PTP4A1: variants seen among roughly 807,000 people sequenced by gnomAD.
The protein encoded by PTP4A1 is protein tyrosine phosphatase 4A1, also known as protein tyrosine phosphatase type IVA 1.
A neutral mutation model predicts 20.5 loss-of-function variants in PTP4A1; 9 were observed. That is an observed-to-expected ratio of 0.44 (90% CI 0.26 to 0.77). The LOEUF (loss-of-function observed/expected upper bound fraction) is 0.77. Among genes scored for constraint, PTP4A1 ranks in the 30% least tolerant of loss-of-function variants. PTP4A1 has a pLI of 0.19. For synonymous variants in PTP4A1, 78 were observed against 67.4 expected (o/e 1.16, Z -0.77); for missense variants, 137 against 218.8 (o/e 0.63, Z 2.36).
At chr6:63,519,957 A>T (rs185185924), upstream of PTP4A1, among the ~76,000 whole-genome samples, 9 of 152,350 alleles carry the variant, frequency 5.9e-5, no homozygotes, top group Non-Finnish European at 1.3e-4. Context: ...TCAGTAGATA[A>T]TAATTTTTAC....
At chr6:63,535,061 A>T (rs1005911843) in intron 2 of PTP4A1, among the ~76,000 whole-genome samples, 40 of 152,160 alleles carry the variant, frequency 2.6e-4, no homozygotes, top group African/African-American at 9.6e-4. Flanking sequence ...ACTCCTTCAC[A>T]AAATAATAAT....
In PTP4A1 at chr6:63,549,467, C is replaced by T. The variant is rs868219456; in HGVS notation, c.-639-833C>T. On this transcript the variant is annotated intron_variant, in intron 2 of 3. Transcript: ENST00000639568. Reference sequence around the variant, plus strand: ...TCCTGCTTCTTCACGACAGCAGGGCCGGAGCCACCTTCTTTCCCTTGGCCT... The same window carrying T: ...TCCTGCTTCTTCACGACAGCAGGGCTGGAGCCACCTTCTTTCCCTTGGCCT... 21 of 794,960 alleles carry T rather than the reference C, an allele frequency of 2.6e-5. No individual in the cohort carries two copies. In the African/African-American group the frequency reaches 2.7e-4, roughly 10 times the overall value. The allele number at this position is 794,960 out of a possible 1,614,324, so 49.2% of individuals were successfully genotyped here.
intron 2 of PTP4A1, among the ~76,000 whole-genome samples, chr6:63,544,219 A>G (rs1776094533): frequency 6.6e-6 from 1 of 152,228 alleles, no homozygotes; most frequent in Non-Finnish European, 1.5e-5. Flanking sequence ...AATTTGAGAT[A>G]TGAAGAAAAG....
intron 2 of PTP4A1, among the ~76,000 whole-genome samples, chr6:63,529,518 T>A (rs1581911097): frequency 2.0e-5 from 3 of 152,146 alleles, no homozygotes; most frequent in Admixed American, 1.3e-4. Context: ...TCTAACAACC[T>A]AGCCTTCCTT....
chr6:63,530,854 A>T lies in PTP4A1; in HGVS notation c.-640+2770A>T, dbSNP rs147998468. Reference sequence around the variant, plus strand: ...TAAAGTAGTACCTTAAAACATCCAAATTGATACTTTCTTATAGCTTCAATG... The same window carrying T: ...TAAAGTAGTACCTTAAAACATCCAATTTGATACTTTCTTATAGCTTCAATG... On this transcript the variant is annotated intron_variant, in intron 2 of 3. Coordinates refer to the PTP4A1 transcript ENST00000639568. Among the ~76,000 whole-genome samples, 494 of 152,280 alleles carry T rather than the reference A, an allele frequency of 3.2e-3. 1 individual carries two copies. Among genetic ancestry groups the T allele is most frequent in the African/African-American group, 0.011 (473 of 41,558 alleles).
chr6:63,557,716 A>G (rs1274441380), intron 3 of PTP4A1, among the ~76,000 whole-genome samples: 2 of 152,168 alleles, frequency 1.3e-5, no homozygotes, highest in Non-Finnish European at 2.9e-5. Context: ...ACATCTAGAA[A>G]GCATAATGGA....
chr6:63,571,335 C>G (rs1466077261), upstream of PTP4A1: 1 of 152,122 alleles, frequency 6.6e-6, no homozygotes, highest in Admixed American at 6.5e-5. Context: ...GTGAAAATAA[C>G]AAACAAAAGG....
chr6:63,520,798 T>G (rs552405975), upstream of PTP4A1, among the ~76,000 whole-genome samples: 12 of 152,296 alleles, frequency 7.9e-5, no homozygotes, highest in South Asian at 2.5e-3. Flanking sequence ...TTTAATTTTT[T>G]GCCTTGTAAA....
rs1352474832 is a variant in PTP4A1 at position 63,582,003 on chromosome 6, TAC to T, written c.*1830_*1831del. On this transcript the variant is annotated 3_prime_UTR_variant, in exon 6 of 6. Coordinates refer to ENST00000626021, the MANE Select transcript of PTP4A1 (RefSeq NM_003463.5). ...GACTCAAAGTTTAAGTAAAAAGTGA[TAC>T]TCCACCTTGTGTTTCAAAGAATTTA... The T allele has an allele frequency of 6.6e-6, 1 of 152,178 alleles. No individual in the cohort carries two copies. Among genetic ancestry groups the T allele is most frequent in the East Asian group, 1.9e-4 (1 of 5,198 alleles). 9.4% of individuals were successfully genotyped at this position (152,178 alleles called of 1,614,324 possible).
chr6:63,557,994 A>G (rs1263406197), intron 3 of PTP4A1, among the ~76,000 whole-genome samples: 1 of 151,672 alleles, frequency 6.6e-6, no homozygotes, highest in Non-Finnish European at 1.5e-5. Flanking sequence ...GGTTCAAGCA[A>G]TTCTCCTGCT....
intron 1 of PTP4A1, among the ~76,000 whole-genome samples, chr6:63,525,821 C>T (rs187579260): frequency 2.6e-3 from 392 of 152,332 alleles, no homozygotes; most frequent in Non-Finnish European, 4.0e-3. Flanking sequence ...TGTAAATTAT[C>T]TCTTAAAATA....
At chr6:63,558,039 T>C (rs1776765283) in intron 3 of PTP4A1, among the ~76,000 whole-genome samples, 1 of 151,892 alleles carries the variant, frequency 6.6e-6, no homozygotes, top group Admixed American at 6.6e-5. Flanking sequence ...GCCTGGGTAA[T>C]TTTTGTATTT....
At chr6:63,549,176 T>C in intron 2 of PTP4A1, 1 of 686,548 alleles carries the variant, frequency 1.5e-6, no homozygotes, top group South Asian at 1.6e-5. Context: ...ACAGCCTCTG[T>C]TTCTTCTCTT....
At chr6:63,561,994 A>G (rs951787710) in intron 3 of PTP4A1, among the ~76,000 whole-genome samples, 1 of 152,236 alleles carries the variant, frequency 6.6e-6, no homozygotes, top group African/African-American at 2.4e-5. Context: ...TAAGAGTATC[A>G]TTTTTGGAAA....
At chr6:63,535,526 T>G (rs1775680435) in intron 2 of PTP4A1, among the ~76,000 whole-genome samples, 1 of 152,232 alleles carries the variant, frequency 6.6e-6, no homozygotes, top group Non-Finnish European at 1.5e-5. Context: ...GTGAATAAAC[T>G]TCATTTATTC....
intron 2 of PTP4A1, among the ~76,000 whole-genome samples, chr6:63,534,221 A>T (rs1286715053): frequency 3.3e-5 from 5 of 150,860 alleles, no homozygotes; most frequent in Non-Finnish European, 5.9e-5. Flanking sequence ...AATTACGTTT[A>T]AAAAAAAAGT....
At chr6:63,550,252 T>G (rs528796379) in intron 2 of PTP4A1, 1 of 152,050 alleles carries the variant, frequency 6.6e-6, no homozygotes, top group South Asian at 2.1e-4. Context: ...TTAATGGCAG[T>G]GTGAAAAAAA....
chr6:63,552,551 T>TA (rs748459154), intron 3 of PTP4A1, among the ~76,000 whole-genome samples: 1 of 152,232 alleles, frequency 6.6e-6, no homozygotes, highest in Non-Finnish European at 1.5e-5. Flanking sequence ...AGATCCCATT[T>TA]GTTAATTTTG....
chr6:63,581,403 A>T lies in PTP4A1; in HGVS notation c.*1229A>T, dbSNP rs980158276. 6.6e-6 allele frequency: 1 copy of T among 152,560 alleles called. No individual in the cohort carries two copies. The highest frequency in any genetic ancestry group is 6.5e-5 in the Admixed American group (1 of 15,270). 9.5% of individuals were successfully genotyped at this position (152,560 alleles called of 1,614,324 possible). On this transcript the variant is annotated 3_prime_UTR_variant, in exon 6 of 6. Transcript: ENST00000626021. ...TGTCAGTGTTCACCAGCTTGTAAAA[A>T]CTTAGTGCGAGAGCTGAAACATCTA...
Sources: allele counts gnomAD v4.1 joint callset (sites outside exome capture counted in the v4.1 genomes callset), GRCh38; gene constraint gnomAD v4.1.1; transcripts MANE v1.5; gene names NCBI Gene and HGNC (gene_info 2026-07-23, HGNC 2026-07-21).